Variants in LAMA3 observed in about 807,000 individuals in gnomAD.
LAMA3 encodes laminin subunit alpha 3.
LAMA3 carries 281 observed loss-of-function variants against 402.0 expected under a neutral mutation model. That is an observed-to-expected ratio of 0.70 (90% CI 0.63 to 0.77). The LOEUF is 0.77. Ranked by LOEUF, LAMA3 falls within the 30% of genes least tolerant of loss-of-function variation. LAMA3 has a pLI of 0.00. For synonymous variants in LAMA3, 1,431 were observed against 1,558.4 expected (o/e 0.92, Z 1.93); for missense variants, 3,840 against 4,215.5 (o/e 0.91, Z 2.47).
intron 2 of LAMA3, among the ~76,000 whole-genome samples, chr18:23,741,433 T>A (rs2061562002): frequency 6.6e-6 from 1 of 152,190 alleles, no homozygotes; most frequent in Non-Finnish European, 1.5e-5. Context: ...TGTAAAAAAA[T>A]GTCAAACCAG....
intron 70 of LAMA3, 104 bp from the exon 71 acceptor site, chr18:23,949,661 A>G: frequency 1.8e-6 from 2 of 1,085,320 alleles, no homozygotes. Context: ...ATCCCTACCT[A>G]CCTTCCCCCT....
intron 5 of LAMA3, among the ~76,000 whole-genome samples, chr18:23,751,681 A>C (rs912847240): frequency 5.9e-5 from 9 of 152,188 alleles, no homozygotes; most frequent in Non-Finnish European, 1.3e-4. Flanking sequence ...GATGTCATCT[A>C]GCTGAAATGG....
chr18:23,881,226 T>C (rs2064884746), intron 39 of LAMA3, among the ~76,000 whole-genome samples: 2 of 152,232 alleles, frequency 1.3e-5, no homozygotes, highest in Admixed American at 6.5e-5. Context: ...GACAGCAACT[T>C]TGATGTGAAA....
intron 52 of LAMA3, among the ~76,000 whole-genome samples, chr18:23,906,658 C>T (rs1390937083): frequency 4.6e-5 from 7 of 152,048 alleles, no homozygotes; most frequent in Non-Finnish European, 1.0e-4. Context: ...TTCTCTCTTT[C>T]CTTCACATGT....
At chr18:23,825,256 G>A (rs2063358769) in intron 21 of LAMA3, among the ~76,000 whole-genome samples, 1 of 152,216 alleles carries the variant, frequency 6.6e-6, no homozygotes, top group South Asian at 2.1e-4. Flanking sequence ...ATGGGGAGTT[G>A]GAAGGATGAA....
intron 12 of LAMA3, among the ~76,000 whole-genome samples, chr18:23,785,626 T>C (rs2062528749): frequency 6.6e-6 from 1 of 152,222 alleles, no homozygotes; most frequent in Admixed American, 6.5e-5. Context: ...CTGCATCATT[T>C]TAAGAGCTTG....
At chr18:23,915,481 T>G in intron 59 of LAMA3, 59 bp downstream of exon 59, 1 of 1,503,048 alleles carries the variant, frequency 6.7e-7, no homozygotes, top group Non-Finnish European at 9.2e-7. Flanking sequence ...CTTGCAGTAC[T>G]TTTACATATG....
intron 19 of LAMA3, 109 bp from the exon 20 acceptor site, chr18:23,822,143 G>A (rs2063297525): frequency 8.4e-7 from 1 of 1,192,162 alleles, no homozygotes; most frequent in Admixed American, 1.8e-5. Flanking sequence ...GTGTATGTGT[G>A]TACATTACAA....
chr18:23,941,335 CCG>C (rs2082511293), intron 68 of LAMA3, among the ~76,000 whole-genome samples: 7 of 142,978 alleles, frequency 4.9e-5, no homozygotes, highest in African/African-American at 1.3e-4. Context: ...CGCCCCCCCC[CCG>C]CCCGGCAGCT....
intron 13 of LAMA3, among the ~76,000 whole-genome samples, chr18:23,811,749 G>T (rs530662687): frequency 6.6e-6 from 1 of 152,264 alleles, no homozygotes; most frequent in East Asian, 1.9e-4. Context: ...GGGCAGGGTG[G>T]CTCATGCTTG....
Position 23,918,387 on chromosome 18 carries a change from C to A in LAMA3, c.7923+1692C>A, listed in dbSNP as rs940269629. On this transcript the variant is annotated intron_variant, in intron 60 of 74. Coordinates refer to ENST00000313654, the MANE Select transcript of LAMA3 (RefSeq NM_198129.4). This position sits in a 1 kb window ranked among gnomAD's most constrained non-coding sequence, Gnocchi z 4.1. ...CTGCTTGCCTAAGAATCTACTTATTCTGACCCAAAACATGTGAAAACTTCC... is the reference window on the plus strand; with the variant it reads ...CTGCTTGCCTAAGAATCTACTTATTATGACCCAAAACATGTGAAAACTTCC... 2.0e-5 allele frequency among the ~76,000 whole-genome samples: 3 copies of A among 152,176 alleles called. No homozygotes were observed. Among genetic ancestry groups the A allele is most frequent in the Non-Finnish European group, 4.4e-5 (3 of 68,030 alleles).
rs202016761 is a variant in LAMA3, at chr18:23,871,612, C to T, written c.4949C>T (p.Ala1650Val). ...SDTGSGRIAL[A>V]VEICACPPAY... ...ACAGGAAGTGGGCGCATAGCACTTG[C>T]TGTGGAAATCTGTGCCTGCCCCCCT... Residue 1650 changes from alanine (A) to valine (V), a missense_variant, in exon 38 of 75, where the codon GCT (alanine) becomes GTT (valine). Physicochemically the swap from Ala to Val is moderately conservative, Grantham distance 64 (BLOSUM62 0). Coordinates refer to ENST00000313654, the MANE Select transcript of LAMA3 (RefSeq NM_198129.4). 17 of 1,613,348 alleles carry T rather than the reference C, an allele frequency of 1.1e-5. No homozygotes were observed. The highest frequency in any genetic ancestry group is 1.3e-5 in the Non-Finnish European group (15 of 1,179,716).
At chr18:23,917,238 T>C (rs886967678) in intron 60 of LAMA3, among the ~76,000 whole-genome samples, 2 of 152,224 alleles carry the variant, frequency 1.3e-5, no homozygotes, top group African/African-American at 4.8e-5. Context: ...CCATGGTGTA[T>C]ATGTACCTCA....
At chr18:23,702,153 G>A (rs533488609) in intron 1 of LAMA3, among the ~76,000 whole-genome samples, 1 of 152,216 alleles carries the variant, frequency 6.6e-6, no homozygotes, top group African/African-American at 2.4e-5. Flanking sequence ...AAATTCACGA[G>A]GTGAGGGGAA....
chr18:23,813,725 A>G (rs2063122916), intron 14 of LAMA3, among the ~76,000 whole-genome samples: 2 of 151,886 alleles, frequency 1.3e-5, no homozygotes, highest in South Asian at 4.2e-4. Context: ...TATTTTTAGT[A>G]GAGATGGGGT....
intron 1 of LAMA3, among the ~76,000 whole-genome samples, chr18:23,709,440 C>T (rs2060948626): frequency 6.6e-6 from 1 of 152,054 alleles, no homozygotes; most frequent in Admixed American, 6.6e-5. Context: ...TTCGTTTATT[C>T]CAAATGTTAT....
chr18:23,696,226 A>C (rs1467296497), intron 1 of LAMA3, among the ~76,000 whole-genome samples: 1 of 152,222 alleles, frequency 6.6e-6, no homozygotes, highest in African/African-American at 2.4e-5. Flanking sequence ...ACATGTTTCC[A>C]GGCTGCTTTC....
chr18:23,748,173 A>G (rs1598710815), intron 3 of LAMA3, 113 bp downstream of exon 3: 1 of 791,592 alleles, frequency 1.3e-6, no homozygotes, highest in East Asian at 2.6e-5. Flanking sequence ...TCACCCCTAT[A>G]ATCCCAGCAT....
At chr18:23,859,432 C>T (rs2064162739) in intron 34 of LAMA3, among the ~76,000 whole-genome samples, 1 of 152,144 alleles carries the variant, frequency 6.6e-6, no homozygotes, top group Non-Finnish European at 1.5e-5. Context: ...ACTTCAGATG[C>T]CAGTTGCAAG....
Sources: gnomAD v4.1 joint callset for allele counts (sites outside exome capture counted in the v4.1 genomes callset) on GRCh38, gnomAD v4.1.1 for gene constraint, Gnocchi (gnomAD v3.1) non-coding constraint, MANE v1.5 for transcripts, NCBI Gene and HGNC (gene_info 2026-07-23, HGNC 2026-07-21) for gene names.